NSMCE2: variants seen among roughly 807,000 people sequenced by gnomAD.
The protein encoded by NSMCE2 is E3 SUMO-protein ligase NSE2.
Under a neutral mutation model 23.8 loss-of-function variants are expected in NSMCE2, and 24 were observed. The ratio of observed to expected loss-of-function variants is 1.01; its 90% CI spans 0.73 to 1.42. The LOEUF is 1.42. Ranked by LOEUF, NSMCE2 falls within the 40% of genes most tolerant of loss-of-function variation. The pLI, the probability that NSMCE2 is intolerant of heterozygous loss-of-function variation, is 0.00. For missense variants in NSMCE2, 284 were observed against 296.5 expected (o/e 0.96, Z 0.31); for synonymous variants, 92 against 94.1 (o/e 0.98, Z 0.13).
intron 3 of NSMCE2, among the ~76,000 whole-genome samples, chr8:125,108,036 A>G (rs1205881071): frequency 6.6e-6 from 1 of 152,068 alleles, no homozygotes; most frequent in Non-Finnish European, 1.5e-5. Context: ...CCTGTCTCAA[A>G]AAAAAAATAA....
chr8:125,292,280 A>G (rs185022216), intron 5 of NSMCE2, among the ~76,000 whole-genome samples: 3 of 151,596 alleles, frequency 2.0e-5, no homozygotes, highest in Admixed American at 2.0e-4. Context: ...GGCCAGGGGG[A>G]GCAGTGGCTC....
intron 3 of NSMCE2, among the ~76,000 whole-genome samples, chr8:125,132,554 G>T (rs936694423): frequency 6.6e-6 from 1 of 151,658 alleles, no homozygotes; most frequent in East Asian, 1.9e-4. Flanking sequence ...GTACACTAGT[G>T]CAGTCTCAGC....
At chr8:125,295,524 C>T (rs566145838) in intron 5 of NSMCE2, among the ~76,000 whole-genome samples, 1 of 152,292 alleles carries the variant, frequency 6.6e-6, no homozygotes, top group South Asian at 2.1e-4. Context: ...GAATAACACA[C>T]AGGTCGGAAT....
chr8:125,323,174 T>C (rs1829522105), intron 5 of NSMCE2, among the ~76,000 whole-genome samples: 1 of 152,228 alleles, frequency 6.6e-6, no homozygotes, highest in Admixed American at 6.5e-5. Flanking sequence ...TGGAAAGATA[T>C]ACCATGTTAA....
rs1028840367 is a variant in NSMCE2, at chr8:125,349,512, G to T, written c.419-7707G>T. 4.6e-5 allele frequency among the ~76,000 whole-genome samples: 7 copies of T among 152,030 alleles called. No homozygotes were observed. The South Asian group carries it at 1.5e-3, about 32-fold the overall frequency. On this transcript the variant is annotated intron_variant, in intron 5 of 7. Coordinates refer to ENST00000287437, the MANE Select transcript of NSMCE2 (RefSeq NM_173685.4). Reference sequence around the variant, plus strand: ...GCTTACAATCCCAGAAATTTGGAAGGCCAAGGTGGAAGGATCCCTTGAGGC... The same window carrying T: ...GCTTACAATCCCAGAAATTTGGAAGTCCAAGGTGGAAGGATCCCTTGAGGC...
At position 125,246,335 on chromosome 8, in the gene NSMCE2, C is replaced by T. The variant is rs140715313; in HGVS notation, c.418+64079C>T. Among the ~76,000 whole-genome samples, 451 of 151,908 alleles carry T rather than the reference C, an allele frequency of 3.0e-3. 1 individual carries two copies. The highest frequency in any genetic ancestry group is 0.01 in the African/African-American group (428 of 41,462). The stretch of plus-strand genomic sequence containing the variant: ...AGTAGCTGGGATTACAGGCATGCGT[C>T]ACCATGCCCGACTAATTTTTGTATT... On this transcript the variant is annotated intron_variant, in intron 5 of 7. Transcript: ENST00000287437.
At chr8:125,286,399 G>A (rs1015841437) in intron 5 of NSMCE2, among the ~76,000 whole-genome samples, 1 of 149,200 alleles carries the variant, frequency 6.7e-6, no homozygotes, top group East Asian at 1.9e-4. Context: ...TGCAACCTCC[G>A]CCTCCTGGGT....
At chr8:125,265,352 G>C (rs1826868112) in intron 5 of NSMCE2, among the ~76,000 whole-genome samples, 1 of 151,872 alleles carries the variant, frequency 6.6e-6, no homozygotes, top group Non-Finnish European at 1.5e-5. Flanking sequence ...CTCCCAAGTA[G>C]CTGGGATTAC....
At chr8:125,288,579 T>G (rs970543960) in intron 5 of NSMCE2, among the ~76,000 whole-genome samples, 2 of 152,192 alleles carry the variant, frequency 1.3e-5, no homozygotes, top group African/African-American at 2.4e-5. Flanking sequence ...ATCTCTGTAC[T>G]TAACACTGTT....
At chr8:125,149,656 A>G (rs1008425702) in intron 3 of NSMCE2, among the ~76,000 whole-genome samples, 1 of 152,154 alleles carries the variant, frequency 6.6e-6, no homozygotes, top group Non-Finnish European at 1.5e-5. Context: ...TGCTTTTCTA[A>G]TTTGCTAGTC....
chr8:125,329,479 G>T (rs1829795376), intron 5 of NSMCE2, among the ~76,000 whole-genome samples: 1 of 152,126 alleles, frequency 6.6e-6, no homozygotes, highest in African/African-American at 2.4e-5. Flanking sequence ...ATCATGTTTT[G>T]TTTACATTGA....
chr8:125,292,941 G>T (rs75724911), intron 5 of NSMCE2, among the ~76,000 whole-genome samples: 335 of 152,286 alleles, frequency 2.2e-3, no homozygotes, highest in African/African-American at 7.7e-3. Context: ...AAGACCCCCT[G>T]TAGTCTGGAG....
At chr8:125,177,518 G>A (rs1354644276) in intron 4 of NSMCE2, among the ~76,000 whole-genome samples, 1 of 152,066 alleles carries the variant, frequency 6.6e-6, no homozygotes, top group African/African-American at 2.4e-5. Flanking sequence ...GTGTAATTTA[G>A]CCTTCTGATA....
chr8:125,359,480 T>C (rs1324359585), intron 7 of NSMCE2, among the ~76,000 whole-genome samples: 11 of 151,724 alleles, frequency 7.3e-5, no homozygotes, highest in Non-Finnish European at 1.6e-4. Flanking sequence ...ATTACAGGCA[T>C]GCACCACCAC....
intron 5 of NSMCE2, among the ~76,000 whole-genome samples, chr8:125,350,361 G>A (rs1169151605): frequency 6.6e-6 from 1 of 152,162 alleles, no homozygotes; most frequent in African/African-American, 2.4e-5. Flanking sequence ...GCAGGAGGAA[G>A]AGCATTCCAG....
intron 5 of NSMCE2, among the ~76,000 whole-genome samples, chr8:125,285,530 A>C (rs1827856827): frequency 6.6e-6 from 1 of 152,018 alleles, no homozygotes; most frequent in African/African-American, 2.4e-5. Context: ...TTTCTGCTCT[A>C]ATAGGGTTTT....
intron 5 of NSMCE2, among the ~76,000 whole-genome samples, chr8:125,301,034 A>G (rs534648114): frequency 4.6e-5 from 7 of 152,304 alleles, no homozygotes; most frequent in African/African-American, 1.7e-4. Context: ...CTGTGTCACA[A>G]TCATTAACTA....
intron 4 of NSMCE2, among the ~76,000 whole-genome samples, chr8:125,167,939 C>T (rs1821980267): frequency 6.6e-6 from 1 of 152,192 alleles, no homozygotes; most frequent in Non-Finnish European, 1.5e-5. Context: ...GGAAACTTCT[C>T]TCTGACTCAT....
intron 5 of NSMCE2, among the ~76,000 whole-genome samples, chr8:125,244,132 G>A (rs964468156): frequency 5.9e-5 from 9 of 151,942 alleles, no homozygotes; most frequent in Non-Finnish European, 1.3e-4. Context: ...AAAGAATAAT[G>A]TAACAGACTA....
Sources: allele counts gnomAD v4.1 joint callset (sites outside exome capture counted in the v4.1 genomes callset), GRCh38; gene constraint gnomAD v4.1.1; transcripts MANE v1.5; gene names NCBI Gene and HGNC (gene_info 2026-07-23, HGNC 2026-07-21).